Variants in FSTL4 observed in about 807,000 individuals in gnomAD.
The protein encoded by FSTL4 is follistatin like 4.
In FSTL4, 28 loss-of-function variants were observed where a neutral mutation model predicts 78.2. The observed-to-expected ratio is 0.36, with a 90% CI of 0.27 to 0.49. The LOEUF (loss-of-function observed/expected upper bound fraction) is 0.49. FSTL4 is among the 20% of genes least tolerant of loss of function. FSTL4 has a pLI of 0.98. For synonymous variants in FSTL4, 422 were observed against 440.5 expected (o/e 0.96, Z 0.53); for missense variants, 922 against 1,084.9 (o/e 0.85, Z 2.11).
At chr5:133,614,138 C>G (rs981836001), upstream of FSTL4, among the ~76,000 whole-genome samples, 14 of 152,228 alleles carry the variant, frequency 9.2e-5, no homozygotes, top group African/African-American at 3.4e-4. Context: ...ATTCGGCTCT[C>G]CTCTAAGACA....
intron 3 of FSTL4, among the ~76,000 whole-genome samples, chr5:133,455,136 G>T: frequency 6.6e-6 from 1 of 152,210 alleles, no homozygotes; most frequent in East Asian, 1.9e-4. Context: ...GGAGGTTTGT[G>T]GTTGAGTTGA....
At chr5:133,632,379 C>G in the FSTL4 span, among the ~76,000 whole-genome samples, 11 of 152,128 alleles carry the variant, frequency 7.2e-5, no homozygotes, top group Non-Finnish European at 1.6e-4. Context: ...AAAGGAAAAT[C>G]TGTTGCATTT....
the FSTL4 span, among the ~76,000 whole-genome samples, chr5:133,625,167 T>G: frequency 6.6e-6 from 1 of 151,770 alleles, no homozygotes; most frequent in South Asian, 2.1e-4. Flanking sequence ...CTTCCTCCTC[T>G]GTTTTCTGGA....
intron 6 of FSTL4, among the ~76,000 whole-genome samples, chr5:133,290,003 TGC>T (rs1442161266): frequency 1.3e-5 from 2 of 152,168 alleles, no homozygotes; most frequent in Non-Finnish European, 2.9e-5. Flanking sequence ...GAGTGAGGCC[TGC>T]GTGCAAAGTG....
chr5:133,772,919 C>T, the FSTL4 span, among the ~76,000 whole-genome samples: 45 of 152,106 alleles, frequency 3.0e-4, no homozygotes, highest in Admixed American at 1.6e-3. Flanking sequence ...CTTTTCCTTA[C>T]GTAACTAATT....
At chr5:133,616,974 C>G (rs1761210258), upstream of FSTL4, among the ~76,000 whole-genome samples, 2 of 152,116 alleles carry the variant, frequency 1.3e-5, no homozygotes, top group Non-Finnish European at 2.9e-5. Context: ...GAGCCAGTTC[C>G]CCTCTGCTGT....
intron 2 of FSTL4, among the ~76,000 whole-genome samples, chr5:133,596,732 C>A (rs1760744140): frequency 6.6e-6 from 1 of 152,182 alleles, no homozygotes; most frequent in Non-Finnish European, 1.5e-5. Flanking sequence ...CAAGCACCAG[C>A]ACCAGCTCTC....
At chr5:133,349,183 C>A (rs1754763401) in intron 4 of FSTL4, among the ~76,000 whole-genome samples, 1 of 152,160 alleles carries the variant, frequency 6.6e-6, no homozygotes. Context: ...ATGTGTGAGA[C>A]CCACAAACCC....
At chr5:133,283,246 G>GTGTGTGTGTGTGTGTGTC (rs1311329922) in intron 6 of FSTL4, among the ~76,000 whole-genome samples, 117 of 130,800 alleles carry the variant, frequency 8.9e-4, no homozygotes, top group Non-Finnish European at 1.4e-3. Context: ...TAGCGTGTGT[G>GTGTGTGTGTGTGTGTGTC]TGTGTGTGTG....
At chr5:133,807,012 C>T in the FSTL4 span, among the ~76,000 whole-genome samples, 1 of 152,054 alleles carries the variant, frequency 6.6e-6, no homozygotes, top group Non-Finnish European at 1.5e-5. Context: ...GTCAATCACG[C>T]CCACATGCTA....
At chr5:133,718,256 T>C in the FSTL4 span, among the ~76,000 whole-genome samples, 1 of 152,028 alleles carries the variant, frequency 6.6e-6, no homozygotes, top group South Asian at 2.1e-4. Flanking sequence ...ATTTTTGACA[T>C]TTTTAGTAGA....
chr5:133,239,687 A>G (rs563029815), intron 7 of FSTL4, among the ~76,000 whole-genome samples: 1 of 152,318 alleles, frequency 6.6e-6, no homozygotes, highest in South Asian at 2.1e-4. Flanking sequence ...CCCACCAATC[A>G]GCACCCTGTG....
intron 3 of FSTL4, among the ~76,000 whole-genome samples, chr5:133,511,853 A>T (rs554663948): frequency 6.6e-6 from 1 of 152,106 alleles, no homozygotes; most frequent in Admixed American, 6.5e-5. Flanking sequence ...TGGGTGGAGC[A>T]GGCAGAAGGG....
intron 6 of FSTL4, among the ~76,000 whole-genome samples, chr5:133,305,601 C>T (rs950797971): frequency 6.6e-6 from 1 of 152,180 alleles, no homozygotes; most frequent in African/African-American, 2.4e-5. Context: ...ATCTTTCTGC[C>T]TCTCTACCCG....
chr5:133,409,121 C>T (rs1387574056), intron 3 of FSTL4, among the ~76,000 whole-genome samples: 2 of 152,104 alleles, frequency 1.3e-5, no homozygotes, highest in African/African-American at 2.4e-5. Context: ...TTCACTGGAC[C>T]CTTATAAACT....
chr5:133,279,808 T>C (rs531468686), intron 6 of FSTL4, among the ~76,000 whole-genome samples: 6 of 152,218 alleles, frequency 3.9e-5, no homozygotes, highest in Non-Finnish European at 7.4e-5. Flanking sequence ...ATAGGATCTT[T>C]GCACATATAA....
intron 3 of FSTL4, among the ~76,000 whole-genome samples, chr5:133,504,993 T>C (rs554695372): frequency 1.3e-5 from 2 of 152,226 alleles, no homozygotes; most frequent in Non-Finnish European, 2.9e-5. Flanking sequence ...GTTGTCTTTA[T>C]GCAGAGATGC....
At chr5:133,829,342 C>T in the FSTL4 span, among the ~76,000 whole-genome samples, 1 of 152,028 alleles carries the variant, frequency 6.6e-6, no homozygotes, top group Non-Finnish European at 1.5e-5. Flanking sequence ...GCTGAGATCG[C>T]GCCACTGCAC....
At chr5:133,759,562 T>C in the FSTL4 span, among the ~76,000 whole-genome samples, 1 of 152,164 alleles carries the variant, frequency 6.6e-6, no homozygotes, top group Non-Finnish European at 1.5e-5. Flanking sequence ...AGTCCAACAA[T>C]AGGGCCCAGT....
Sources: gnomAD v4.1 joint callset for allele counts (sites outside exome capture counted in the v4.1 genomes callset) on GRCh38, gnomAD v4.1.1 for gene constraint, MANE v1.5 for transcripts, NCBI Gene and HGNC (gene_info 2026-07-23, HGNC 2026-07-21) for gene names.